The following SYT16 variants were observed in gnomAD, a reference collection of about 807,000 sequenced individuals.
SYT16 encodes the protein synaptotagmin 16.
A neutral mutation model predicts 61.4 loss-of-function variants in SYT16; 42 were observed. The observed-to-expected ratio is 0.68, with a 90% confidence interval of 0.53 to 0.89. The LOEUF (loss-of-function observed/expected upper bound fraction) is 0.89. SYT16 is among the 40% of genes least tolerant of loss of function. The probability of loss-of-function intolerance (pLI) is 0.00; values close to 1 mark genes in which losing one functional copy is unlikely to be tolerated. For missense variants in SYT16, 804 were observed against 807.3 expected, an observed-to-expected ratio of 1.00 and a Z score of 0.05; for synonymous variants, 314 against 302.3, an observed-to-expected ratio of 1.04 and a Z score of -0.40.
chr14:61,993,609 C>T (rs983237543), intron 2 of SYT16, among the ~76,000 whole-genome samples: 12 of 151,848 alleles, frequency 7.9e-5, no homozygotes, highest in Admixed American at 2.0e-4. Flanking sequence ...AAATCTGTGA[C>T]GCACTGAAGC....
intron 3 of SYT16, among the ~76,000 whole-genome samples, chr14:62,036,316 G>A (rs1029076212): frequency 6.6e-6 from 1 of 152,144 alleles, no homozygotes; most frequent in African/African-American, 2.4e-5. Context: ...CGCATTGGTT[G>A]GGTATGGCTG....
intron 3 of SYT16, among the ~76,000 whole-genome samples, chr14:62,018,470 G>A (rs2053788427): frequency 6.6e-6 from 1 of 151,820 alleles, no homozygotes; most frequent in Admixed American, 6.6e-5. Context: ...ACCACGCCTG[G>A]CTAATTTTTT....
intron 3 of SYT16, among the ~76,000 whole-genome samples, chr14:62,008,127 A>G (rs2053297889): frequency 6.6e-6 from 1 of 152,084 alleles, no homozygotes; most frequent in South Asian, 2.1e-4. Context: ...TTATAAAAAT[A>G]TGGAGATATT....
intron 1 of SYT16, among the ~76,000 whole-genome samples, chr14:61,950,637 C>T (rs778097975): frequency 4.6e-5 from 7 of 152,144 alleles, no homozygotes; most frequent in Non-Finnish European, 7.4e-5. Flanking sequence ...AACTTCGGCC[C>T]ACGTGGCAGC....
chr14:62,057,000 G>T (rs1431514091), intron 3 of SYT16, among the ~76,000 whole-genome samples: 1 of 152,180 alleles, frequency 6.6e-6, no homozygotes, highest in Non-Finnish European at 1.5e-5. Context: ...GCGCTGGGGG[G>T]CACGGCGCAC....
chr14:61,843,670 C>T (rs1337908172), intron 1 of SYT16, among the ~76,000 whole-genome samples: 1 of 152,092 alleles, frequency 6.6e-6, no homozygotes, highest in African/African-American at 2.4e-5. Flanking sequence ...CTATCTTTTC[C>T]TCAGTGTATG....
chr14:61,958,570 A>T (rs1004662630), intron 1 of SYT16, among the ~76,000 whole-genome samples: 1 of 151,304 alleles, frequency 6.6e-6, no homozygotes, highest in African/African-American at 2.4e-5. Context: ...TGAATTTCCC[A>T]TTTTTTCTGT....
intron 3 of SYT16, among the ~76,000 whole-genome samples, chr14:61,998,491 T>A (rs1416158620): frequency 6.6e-6 from 1 of 152,006 alleles, no homozygotes; most frequent in East Asian, 1.9e-4. Flanking sequence ...CCATAACGCG[T>A]TTGAGATTCA....
intron 5 of SYT16, among the ~76,000 whole-genome samples, chr14:62,078,286 G>T (rs1369592263): frequency 6.6e-6 from 1 of 152,062 alleles, no homozygotes; most frequent in Non-Finnish European, 1.5e-5. Context: ...GAAATTTTGA[G>T]TATTGGATAC....
At chr14:62,048,563 G>C (rs2055110958) in intron 3 of SYT16, among the ~76,000 whole-genome samples, 1 of 152,110 alleles carries the variant, frequency 6.6e-6, no homozygotes, top group African/African-American at 2.4e-5. Flanking sequence ...TTTTAATTGT[G>C]ATGTTAGGGT....
At chr14:61,985,218 A>G (rs576632371) in intron 2 of SYT16, among the ~76,000 whole-genome samples, 20 of 152,310 alleles carry the variant, frequency 1.3e-4, no homozygotes, top group Non-Finnish European at 2.4e-4. Flanking sequence ...GTAATGAACA[A>G]TTTTACTACC....
intron 1 of SYT16, among the ~76,000 whole-genome samples, chr14:61,913,419 T>TA (rs1240139518): frequency 1.3e-5 from 2 of 151,926 alleles, no homozygotes; most frequent in African/African-American, 2.4e-5. Context: ...ACCAAAAAAT[T>TA]AAAAAAAATT....
In SYT16 at chr14:61,939,589, C is replaced by T. The variant is rs144765006; in HGVS notation, c.-324-30543C>T. 2.0e-3 allele frequency among the ~76,000 whole-genome samples: 305 copies of T among 152,278 alleles called. 1 individual carries two copies. The highest frequency in any genetic ancestry group is 0.01 in the Middle Eastern group (3 of 294). On this transcript the variant is annotated intron_variant, in intron 1 of 7. Transcript: ENST00000683842. ...CTTCACGTGTGTACATGCCTGTGGCCAGATTTCCTCTTTTTATGAGGATGC... is the reference window on the plus strand; with the variant it reads ...CTTCACGTGTGTACATGCCTGTGGCTAGATTTCCTCTTTTTATGAGGATGC...
intron 1 of SYT16, among the ~76,000 whole-genome samples, chr14:61,953,096 T>A (rs1594999001): frequency 6.6e-6 from 1 of 152,144 alleles, no homozygotes; most frequent in East Asian, 1.9e-4. Context: ...AAAAGGAAAA[T>A]TAAAGCTCTC....
At chr14:61,876,792 G>A (rs1474391025) in intron 1 of SYT16, among the ~76,000 whole-genome samples, 1 of 152,216 alleles carries the variant, frequency 6.6e-6, no homozygotes, top group African/African-American at 2.4e-5. Flanking sequence ...CCGCAGGTAG[G>A]TAGGAAGCAG....
intron 5 of SYT16, among the ~76,000 whole-genome samples, chr14:62,078,285 A>C (rs61993254): frequency 0.019 from 2,890 of 152,198 alleles, 46 homozygotes; most frequent in Non-Finnish European, 0.032. Flanking sequence ...TGAAATTTTG[A>C]GTATTGGATA....
intron 1 of SYT16, among the ~76,000 whole-genome samples, chr14:61,901,763 ATTAT>A (rs2048527597): frequency 7.4e-6 from 1 of 135,776 alleles, no homozygotes; most frequent in Non-Finnish European, 1.5e-5. Context: ...AATAATAATA[ATTAT>A]TATTATTATT....
intron 1 of SYT16, among the ~76,000 whole-genome samples, chr14:61,914,508 C>G (rs2049046417): frequency 6.6e-6 from 1 of 152,180 alleles, no homozygotes; most frequent in Non-Finnish European, 1.5e-5. Flanking sequence ...TCTAATTGAG[C>G]ATGTTCAGGA....
intron 3 of SYT16, among the ~76,000 whole-genome samples, chr14:62,065,816 C>T (rs997442002): frequency 3.3e-5 from 5 of 152,134 alleles, no homozygotes; most frequent in South Asian, 2.1e-4. Context: ...ATTGGTCCAT[C>T]GCATCCTAGA....
Sources: allele counts gnomAD v4.1 joint callset (sites outside exome capture counted in the v4.1 genomes callset), GRCh38; gene constraint gnomAD v4.1.1; transcripts MANE v1.5; gene names NCBI Gene and HGNC (gene_info 2026-07-23, HGNC 2026-07-21).